DLGAP2: variants seen among roughly 807,000 people sequenced by gnomAD.
The protein encoded by DLGAP2 is disks large-associated protein 2.
In DLGAP2, 26 loss-of-function variants were observed where a neutral mutation model predicts 100.3. The observed-to-expected ratio is 0.26, with a 90% CI of 0.19 to 0.36. DLGAP2 has a LOEUF of 0.36. DLGAP2 is among the 10% of genes least tolerant of loss of function. The probability of loss-of-function intolerance (pLI) is 1.00; values close to 1 mark genes in which losing one functional copy is unlikely to be tolerated. For missense variants in DLGAP2, 1,858 were observed against 1,453.2 expected (o/e 1.28, Z -4.53); for synonymous variants, 886 against 630.1 (o/e 1.41, Z -6.08).
At chr8:1,523,357 C>A (rs1223264027) in intron 4 of DLGAP2, among the ~76,000 whole-genome samples, 2 of 152,232 alleles carry the variant, frequency 1.3e-5, no homozygotes, top group Non-Finnish European at 2.9e-5. Flanking sequence ...CTTCCCACCC[C>A]GCGCCTCACA....
At chr8:836,525 C>T (rs777174278) in intron 1 of DLGAP2, among the ~76,000 whole-genome samples, 1 of 152,158 alleles carries the variant, frequency 6.6e-6, no homozygotes, top group African/African-American at 2.4e-5. Context: ...CTGGCAGGTG[C>T]GGGGGCACAC....
rs143961983 is a variant in DLGAP2, at chr8:1,199,316, C to G, written c.74-59535C>G. On this transcript the variant is annotated intron_variant, in intron 2 of 14. Coordinates refer to ENST00000637795, the MANE Select transcript of DLGAP2 (RefSeq NM_001346810.2). ...TGCAATATTTGAGCAGGTTGAGCTT[C>G]TCCCTGGTGATCTCTTTTGGCTATT... Among the ~76,000 whole-genome samples the G allele has an allele frequency of 3.3e-4, 50 of 152,354 alleles. 1 individual carries two copies. Among genetic ancestry groups the G allele is most frequent in the African/African-American group, 1.2e-3 (49 of 41,580 alleles).
At chr8:932,251 G>A (rs988508915) in intron 2 of DLGAP2, among the ~76,000 whole-genome samples, 1 of 152,174 alleles carries the variant, frequency 6.6e-6, no homozygotes, top group Non-Finnish European at 1.5e-5. Flanking sequence ...CGTGTGTTCT[G>A]AAATAGAAAA....
intron 3 of DLGAP2, among the ~76,000 whole-genome samples, chr8:1,303,116 G>T (rs926143458): frequency 5.3e-5 from 8 of 152,210 alleles, no homozygotes; most frequent in African/African-American, 1.9e-4. Context: ...AGGAGGAAGG[G>T]GTGGGGCGCG....
intron 2 of DLGAP2, among the ~76,000 whole-genome samples, chr8:979,024 C>T (rs1332287573): frequency 7.2e-5 from 11 of 152,142 alleles, no homozygotes; most frequent in Non-Finnish European, 1.2e-4. Flanking sequence ...AGCTTGTTCC[C>T]ACACTTCATT....
At chr8:1,178,358 C>T (rs1021450796) in intron 2 of DLGAP2, among the ~76,000 whole-genome samples, 46 of 152,124 alleles carry the variant, frequency 3.0e-4, no homozygotes, top group African/African-American at 9.7e-4. Context: ...GGAGGGGCGG[C>T]AGCAGTGGCG....
chr8:848,936 AGCATAGGAACGCGCG>A (rs2128987202), intron 1 of DLGAP2, among the ~76,000 whole-genome samples: 1 of 150,926 alleles, frequency 6.6e-6, no homozygotes, highest in Non-Finnish European at 1.5e-5. Context: ...TGCCTGTTCC[AGCATAGGAACGCGCG>A]GTGCCTGTTC....
intron 1 of DLGAP2, among the ~76,000 whole-genome samples, chr8:784,536 C>G (rs1351124768): frequency 6.6e-6 from 1 of 152,176 alleles, no homozygotes; most frequent in Non-Finnish European, 1.5e-5. Flanking sequence ...TGGATAATGG[C>G]TGGTATCAAG....
chr8:1,304,792 A>T (rs1043526266), intron 3 of DLGAP2, among the ~76,000 whole-genome samples: 14 of 152,304 alleles, frequency 9.2e-5, no homozygotes, highest in African/African-American at 3.4e-4. Flanking sequence ...TTGTAAATCC[A>T]TATTTTGTGG....
intron 1 of DLGAP2, among the ~76,000 whole-genome samples, chr8:814,603 G>A (rs1436384402): frequency 2.6e-5 from 4 of 152,046 alleles, no homozygotes; most frequent in South Asian, 2.1e-4. Flanking sequence ...TACTATGAAC[G>A]TTGGGAGGCT....
intron 3 of DLGAP2, among the ~76,000 whole-genome samples, chr8:1,390,586 C>T (rs17754782): frequency 0.064 from 9,774 of 152,150 alleles, 551 homozygotes; most frequent in East Asian, 0.24. Flanking sequence ...TCTCTGCGTG[C>T]CGCCTCCCTT....
At chr8:1,304,758 C>T (rs1800450680) in intron 3 of DLGAP2, among the ~76,000 whole-genome samples, 1 of 152,288 alleles carries the variant, frequency 6.6e-6, no homozygotes, top group Non-Finnish European at 1.5e-5. Context: ...CCCCTTGCTA[C>T]ATGAACATTT....
At chr8:1,440,554 A>G (rs1797800710) in intron 3 of DLGAP2, among the ~76,000 whole-genome samples, 1 of 152,264 alleles carries the variant, frequency 6.6e-6, no homozygotes, top group Admixed American at 6.5e-5. Flanking sequence ...TACACAATGC[A>G]CATTTGCTAT....
chr8:1,040,757 G>A (rs1335667167), intron 2 of DLGAP2, among the ~76,000 whole-genome samples: 1 of 152,110 alleles, frequency 6.6e-6, no homozygotes, highest in African/African-American at 2.4e-5. Context: ...GTGCATATGA[G>A]GGGACATGAT....
At chr8:1,010,775 T>C (rs189159968) in intron 2 of DLGAP2, among the ~76,000 whole-genome samples, 61 of 152,360 alleles carry the variant, frequency 4.0e-4, no homozygotes, top group Admixed American at 3.9e-3. Flanking sequence ...TTGAAGACTT[T>C]TTGTTTTTAG....
At chr8:990,309 A>G (rs151020495) in intron 2 of DLGAP2, among the ~76,000 whole-genome samples, 376 of 146,690 alleles carry the variant, frequency 2.6e-3, no homozygotes, top group African/African-American at 4.7e-3. Context: ...AAAGTGGCCC[A>G]GACCCCCTGC....
At chr8:958,403 A>G (rs1004081107) in intron 2 of DLGAP2, among the ~76,000 whole-genome samples, 4 of 152,084 alleles carry the variant, frequency 2.6e-5, no homozygotes, top group Admixed American at 6.6e-5. Flanking sequence ...TCCGTTGCTC[A>G]TCTCCCTCGG....
rs1309121652 is a variant in DLGAP2 at position 1,708,393 on chromosome 8, A to G, written c.*6987A>G. 6.6e-6 allele frequency: 1 copy of G among 152,226 alleles called. No individual in the cohort carries two copies. Among genetic ancestry groups the G allele is most frequent in the Non-Finnish European group, 1.5e-5 (1 of 68,044 alleles). The allele number at this position is 152,226 out of a possible 1,614,324, so 9.4% of individuals were successfully genotyped here. A position where few individuals can be genotyped will look rare whatever the true frequency, so the allele number is the denominator to read the frequency against. ...ATATTTTAAGAAGTAATGGACATTT[A>G]TTAAGGTTACAGATTTAATATGTAT... is the stretch of plus-strand genomic sequence containing the variant. On this transcript the variant is annotated 3_prime_UTR_variant, in exon 15 of 15. Coordinates refer to ENST00000637795, the MANE Select transcript of DLGAP2 (RefSeq NM_001346810.2).
chr8:1,671,511 C>T (rs1380559141), intron 10 of DLGAP2, among the ~76,000 whole-genome samples: 1 of 152,260 alleles, frequency 6.6e-6, no homozygotes, highest in Non-Finnish European at 1.5e-5. Context: ...GGAGAGACAG[C>T]TCCAGGAGGG....
Sources: allele counts gnomAD v4.1 joint callset (sites outside exome capture counted in the v4.1 genomes callset), GRCh38; gene constraint gnomAD v4.1.1; transcripts MANE v1.5; gene names NCBI Gene and HGNC (gene_info 2026-07-23, HGNC 2026-07-21).